CSNK1G1: variants seen among roughly 807,000 people sequenced by gnomAD.
The protein encoded by CSNK1G1 is casein kinase 1 gamma 1.
In CSNK1G1, 22 loss-of-function variants were observed where a neutral mutation model predicts 59.6. The ratio of observed to expected loss-of-function variants is 0.37; its 90% confidence interval spans 0.26 to 0.53. The LOEUF (loss-of-function observed/expected upper bound fraction) is 0.53. Among genes scored for constraint, CSNK1G1 ranks in the 20% least tolerant of loss-of-function variants. The pLI, the probability that CSNK1G1 is intolerant of heterozygous loss-of-function variation, is 0.89. For missense variants in CSNK1G1, 384 were observed against 519.5 expected (o/e 0.74, Z 2.54); for synonymous variants, 179 against 177.1 (o/e 1.01, Z -0.08).
At chr15:64,206,856 G>T (rs1235053876) in intron 7 of CSNK1G1, among the ~76,000 whole-genome samples, 1 of 152,164 alleles carries the variant, frequency 6.6e-6, no homozygotes, top group Non-Finnish European at 1.5e-5. Context: ...CTTAAACCTG[G>T]ATTTTCATTT....
At chr15:64,238,545 GA>G (rs995945181) in intron 4 of CSNK1G1, among the ~76,000 whole-genome samples, 2 of 64,888 alleles carry the variant, frequency 3.1e-5, no homozygotes, top group African/African-American at 1.4e-4. Context: ...ATATATATAT[GA>G]AAAAAAACCC....
chr15:64,218,784 G>T (rs150167113), intron 4 of CSNK1G1, among the ~76,000 whole-genome samples: 2 of 148,972 alleles, frequency 1.3e-5, no homozygotes, highest in East Asian at 3.9e-4. Context: ...ATAAATATCT[G>T]TTCAATTGTT....
chr15:64,168,379 G>C lies in CSNK1G1; in HGVS notation c.*3552C>G, dbSNP rs1234422476. 2.6e-5 allele frequency: 4 copies of C among 152,522 alleles called. No homozygotes were observed. Among genetic ancestry groups the C allele is most frequent in the Non-Finnish European group, 5.9e-5 (4 of 68,072 alleles). 9.4% of individuals were successfully genotyped at this position (152,522 alleles called of 1,614,324 possible). A position where few individuals can be genotyped will look rare whatever the true frequency, so the allele number is the denominator to read the frequency against. ...TCTCTGGAAAGCACCAAGGTGCGTA[G>C]AGCAACTTGACCAACTCTTACTGCA... On this transcript the variant is annotated 3_prime_UTR_variant, in exon 12 of 12. Coordinates refer to ENST00000303052, the MANE Select transcript of CSNK1G1 (RefSeq NM_022048.5).
chr15:64,313,821 CT>C (rs1012367923), intron 1 of CSNK1G1, among the ~76,000 whole-genome samples: 38 of 144,128 alleles, frequency 2.6e-4, no homozygotes, highest in African/African-American at 8.9e-4. Flanking sequence ...AAACCAAGAA[CT>C]TTTTTTTTAA....
intron 4 of CSNK1G1, among the ~76,000 whole-genome samples, chr15:64,246,824 C>T (rs937685602): frequency 3.3e-5 from 5 of 152,076 alleles, no homozygotes; most frequent in Admixed American, 6.6e-5. Flanking sequence ...TGCAAAGAAT[C>T]CTATTATCCT....
chr15:64,227,006 A>T (rs943503135), intron 4 of CSNK1G1, among the ~76,000 whole-genome samples: 3 of 152,190 alleles, frequency 2.0e-5, no homozygotes, highest in Non-Finnish European at 4.4e-5. Flanking sequence ...CTGTGTGTTA[A>T]TTTTTTGTAT....
intron 2 of CSNK1G1, among the ~76,000 whole-genome samples, chr15:64,269,410 G>GT (rs1893156988): frequency 6.6e-6 from 1 of 151,464 alleles, no homozygotes; most frequent in Non-Finnish European, 1.5e-5. Flanking sequence ...TTGGGCAGGT[G>GT]TATGTGTCCA....
rs892435519 is a variant in CSNK1G1 at position 64,169,302 on chromosome 15, G to C, written c.*2629C>G. On this transcript the variant is annotated 3_prime_UTR_variant, in exon 12 of 12. Transcript: ENST00000303052. ...GGCTGGAGTGCAGTGGTGCGATCTCGGCTCACTGCAACTTCTGCCTCCCAG... is the reference window on the plus strand; with the variant it reads ...GGCTGGAGTGCAGTGGTGCGATCTCCGCTCACTGCAACTTCTGCCTCCCAG... The C allele has an allele frequency of 2.0e-5, 3 of 151,826 alleles. No homozygotes were observed. The highest frequency in any genetic ancestry group is 2.1e-4 in the South Asian group (1 of 4,808). The allele number at this position is 151,826 out of a possible 1,614,324, so 9.4% of individuals were successfully genotyped here.
At chr15:64,238,531 A>T (rs1212076658) in intron 4 of CSNK1G1, among the ~76,000 whole-genome samples, 1 of 133,066 alleles carries the variant, frequency 7.5e-6, no homozygotes. Flanking sequence ...ATATATATAT[A>T]TATATATATA....
At chr15:64,233,374 T>C (rs2082573755) in intron 4 of CSNK1G1, among the ~76,000 whole-genome samples, 1 of 152,210 alleles carries the variant, frequency 6.6e-6, no homozygotes, top group African/African-American at 2.4e-5. Flanking sequence ...CTCTTTTTTT[T>C]ACATTTTCCT....
chr15:64,246,258 A>G (rs74245426), intron 4 of CSNK1G1, among the ~76,000 whole-genome samples: 6,517 of 152,262 alleles, frequency 0.043, 155 homozygotes, highest in South Asian at 0.078. Context: ...CTAGGTATTT[A>G]ACAAGTTAAC....
chr15:64,258,560 G>A (rs187015057), intron 3 of CSNK1G1, among the ~76,000 whole-genome samples: 187 of 152,080 alleles, frequency 1.2e-3, no homozygotes, highest in African/African-American at 3.9e-3. Context: ...CTAGTCATAC[G>A]AAACATTTCA....
chr15:64,336,693 G>A (rs1009766284), intron 1 of CSNK1G1, among the ~76,000 whole-genome samples: 3 of 151,970 alleles, frequency 2.0e-5, no homozygotes, highest in African/African-American at 7.3e-5. Flanking sequence ...CTATAACCAA[G>A]GAAAATATAA....
At chr15:64,199,718 T>A (rs1447366898) in intron 10 of CSNK1G1, among the ~76,000 whole-genome samples, 1 of 152,092 alleles carries the variant, frequency 6.6e-6, no homozygotes, top group African/African-American at 2.4e-5. Context: ...GCAGGTGTGG[T>A]GGCGTGCGCC....
chr15:64,312,512 C>T (rs1896049843), intron 1 of CSNK1G1, among the ~76,000 whole-genome samples: 1 of 152,184 alleles, frequency 6.6e-6, no homozygotes, highest in Admixed American at 6.5e-5. Flanking sequence ...GGAAAGGATT[C>T]CCTATTTAAT....
At chr15:64,204,630 T>G in intron 8 of CSNK1G1, 41 bp from the exon 9 acceptor site, 1 of 1,600,128 alleles carries the variant, frequency 6.2e-7, no homozygotes, top group Non-Finnish European at 8.5e-7. Flanking sequence ...ATTAGCTGAA[T>G]GCTTTCCATA....
At position 64,251,570 on chromosome 15, in the gene CSNK1G1, T is replaced by C. The variant is rs1043374076; in HGVS notation, c.234A>G (p.Lys78=). The part of the protein sequence containing the change: ...EYVAIKLEPI[K]SRAPQLHLEY... ...CTAAATGAAGCTGTGGAGCACGTGA[T>C]TTTATTGGTTCCTGAAATCCAAAAA... Residue 78 remains lysine, a synonymous_variant, in exon 4 of 12, where the codon AAA becomes AAG. Coordinates refer to ENST00000303052, the MANE Select transcript of CSNK1G1 (RefSeq NM_022048.5). The C allele has an allele frequency of 6.2e-7, 1 of 1,611,928 alleles. No individual in the cohort carries two copies. The highest frequency in any genetic ancestry group is 8.5e-7 in the Non-Finnish European group (1 of 1,178,494).
intron 4 of CSNK1G1, among the ~76,000 whole-genome samples, chr15:64,230,968 C>T (rs1388995144): frequency 1.3e-5 from 2 of 151,190 alleles, no homozygotes; most frequent in Admixed American, 6.6e-5. Flanking sequence ...AGCGAGAATC[C>T]GTCTCAAAAA....
intron 2 of CSNK1G1, among the ~76,000 whole-genome samples, chr15:64,292,878 A>G (rs1379843831): frequency 1.3e-5 from 2 of 152,148 alleles, no homozygotes; most frequent in African/African-American, 4.8e-5. Context: ...CAGTGAGCCA[A>G]TATCGCGCCA....
Sources: gnomAD v4.1 joint callset for allele counts (sites outside exome capture counted in the v4.1 genomes callset) on GRCh38, gnomAD v4.1.1 for gene constraint, MANE v1.5 for transcripts, NCBI Gene and HGNC (gene_info 2026-07-23, HGNC 2026-07-21) for gene names.